Variants in RNF145 observed in about 807,000 individuals in gnomAD.
The protein encoded by RNF145 is ring finger protein 145.
Under a neutral mutation model 57.3 loss-of-function variants are expected in RNF145, and 12 were observed. The ratio of observed to expected loss-of-function variants is 0.21; its 90% CI spans 0.13 to 0.34. The LOEUF is 0.34. RNF145 is among the 10% of genes least tolerant of loss of function. RNF145 has a pLI of 1.00. For missense variants in RNF145, 429 were observed against 799.0 expected (o/e 0.54, Z 5.58); for synonymous variants, 262 against 288.3 (o/e 0.91, Z 0.92).
chr5:159,171,778 T>C (rs1466594594), intron 6 of RNF145, among the ~76,000 whole-genome samples: 1 of 152,070 alleles, frequency 6.6e-6, no homozygotes, highest in Non-Finnish European at 1.5e-5. Context: ...AACATAAACA[T>C]TACCAGGCAC....
intron 5 of RNF145, 129 bp downstream of exon 5, chr5:159,176,503 T>C: frequency 4.9e-6 from 3 of 615,494 alleles, no homozygotes; most frequent in South Asian, 2.2e-5. Flanking sequence ...GGGCTGAAAA[T>C]AGCAGCTGTT....
At position 159,157,635 on chromosome 5, in the gene RNF145, G is replaced by A. The variant is rs1784084329; in HGVS notation, c.*1035C>T. On this transcript the variant is annotated 3_prime_UTR_variant, in exon 11 of 11. Coordinates refer to ENST00000424310, the MANE Select transcript of RNF145 (RefSeq NM_001199383.2). ...CCTCCCCAGTTCTACCTGTAGCCAT[G>A]ATGAATGTAAAAATTTAAATATGAC... 6.6e-6 allele frequency: 1 copy of A among 152,654 alleles called. No homozygotes were observed. The highest frequency in any genetic ancestry group is 1.5e-5 in the Non-Finnish European group (1 of 68,030). The allele number at this position is 152,654 out of a possible 1,614,324, so 9.5% of individuals were successfully genotyped here.
In RNF145 at chr5:159,198,481, T is replaced by C. The variant is rs1193095338; in HGVS notation, c.185-3657A>G. ...GTAGCTTTGGGTATGGAGCTGCCAG[T>C]CAGCCATGAGATACATATTTAAATA... is the stretch of plus-strand genomic sequence containing the variant. On this transcript the variant is annotated intron_variant, in intron 2 of 10. Coordinates refer to ENST00000424310, the MANE Select transcript of RNF145 (RefSeq NM_001199383.2). Among the ~76,000 whole-genome samples the C allele has an allele frequency of 4.6e-5, 7 of 152,250 alleles. No individual in the cohort carries two copies. In the East Asian group the frequency reaches 7.7e-4, roughly 17 times the overall value.
chr5:159,184,781 T>C (rs1176528610), intron 3 of RNF145, among the ~76,000 whole-genome samples: 1 of 152,224 alleles, frequency 6.6e-6, no homozygotes, highest in Non-Finnish European at 1.5e-5. Flanking sequence ...TCCAACCCTA[T>C]ATTTCATTCC....
chr5:159,206,776 A>C (rs1279853993), intron 1 of RNF145, among the ~76,000 whole-genome samples: 1 of 152,198 alleles, frequency 6.6e-6, no homozygotes, highest in African/African-American at 2.4e-5. Context: ...CGAAAGGTTT[A>C]ACACACCCAA....
At chr5:159,164,777 A>G (rs954112019) in intron 8 of RNF145, among the ~76,000 whole-genome samples, 9 of 152,216 alleles carry the variant, frequency 5.9e-5, no homozygotes, top group African/African-American at 2.2e-4. Flanking sequence ...TAGTTCTAAT[A>G]TTCCTTGTTA....
chr5:159,188,097 A>G (rs1434947347), intron 3 of RNF145, among the ~76,000 whole-genome samples: 1 of 152,190 alleles, frequency 6.6e-6, no homozygotes, highest in African/African-American at 2.4e-5. Context: ...ATTTAAGAAC[A>G]CTGGGCCAGG....
At chr5:159,184,731 T>C (rs1383844869) in intron 3 of RNF145, among the ~76,000 whole-genome samples, 1 of 152,346 alleles carries the variant, frequency 6.6e-6, no homozygotes, top group Middle Eastern at 3.4e-3. Context: ...CTATTTCATA[T>C]GGTTATTATA....
chr5:159,161,024 T>A (rs1784199118), intron 10 of RNF145: 1 of 410,124 alleles, frequency 2.4e-6, no homozygotes, highest in African/African-American at 2.1e-5. Context: ...CCTTTATTTA[T>A]GGGTGAGCAA....
Position 159,162,935 on chromosome 5 carries a change from A to G in RNF145, c.1266T>C (p.Leu422=). 1 of 1,602,150 alleles carries G rather than the reference A, an allele frequency of 6.2e-7. No individual in the cohort carries two copies. The highest frequency in any genetic ancestry group is 8.5e-7 in the Non-Finnish European group (1 of 1,176,250). Residue 422 remains leucine (L), a synonymous_variant, in exon 9 of 11, where the codon CTT becomes CTC. Coordinates refer to ENST00000424310, the MANE Select transcript of RNF145 (RefSeq NM_001199383.2). Reference sequence around the variant, plus strand: ...AGTTAATTAATCATAGGCTTACCTGAAGAGAGGTAAGAATGCTGCTGGAAA... The same window carrying G: ...AGTTAATTAATCATAGGCTTACCTGGAGAGAGGTAAGAATGCTGCTGGAAA... The part of the protein sequence containing the change: ...IIISSSILTS[L]QVLGTLFIYV...
chr5:159,197,417 T>C (rs965187228), intron 2 of RNF145, among the ~76,000 whole-genome samples: 4 of 152,170 alleles, frequency 2.6e-5, no homozygotes, highest in Non-Finnish European at 5.9e-5. Flanking sequence ...GTTCTCAAAT[T>C]CTTCAATATC....
intron 1 of RNF145, among the ~76,000 whole-genome samples, chr5:159,206,961 C>CAA (rs34238590): frequency 1.3e-4 from 18 of 140,272 alleles, no homozygotes; most frequent in South Asian, 4.5e-4. Flanking sequence ...AAAAACAAAC[C>CAA]AAAAAAAAAA....
intron 2 of RNF145, among the ~76,000 whole-genome samples, chr5:159,201,185 C>A (rs72813999): frequency 0.12 from 18,361 of 152,158 alleles, 1,450 homozygotes; most frequent in South Asian, 0.2. Context: ...CCCACGTATA[C>A]AGAGGGCCAA....
rs377235311 is a variant in RNF145 at position 159,208,196 on chromosome 5, G to A, written c.-40+1035C>T. On this transcript the variant is annotated intron_variant, in intron 1 of 10. Transcript: ENST00000424310. ...CCCCAACCCAGCTCGCGGCAAGCAG[G>A]CAGCGCAGCAGCAGTAGCAGCAGCA... 3.5e-4 allele frequency: 472 copies of A among 1,336,684 alleles called. 3 individuals carry two copies. The South Asian group carries it at 7.1e-3, about 20-fold the overall frequency. 82.8% of individuals were successfully genotyped at this position (1,336,684 alleles called of 1,614,324 possible).
chr5:159,203,352 A>AT (rs1785738667), intron 2 of RNF145, 82 bp downstream of exon 2: 2 of 967,948 alleles, frequency 2.1e-6, no homozygotes, highest in South Asian at 2.8e-5. Flanking sequence ...AATGAACTTC[A>AT]TTTTACCCAA....
At chr5:159,164,565 A>G (rs60712514) in intron 8 of RNF145, among the ~76,000 whole-genome samples, 10,206 of 152,290 alleles carry the variant, frequency 0.067, 372 homozygotes, top group Middle Eastern at 0.1. Context: ...ATATATACAC[A>G]CAAACATATA....
intron 1 of RNF145, among the ~76,000 whole-genome samples, chr5:159,204,101 A>G (rs1785773187): frequency 6.6e-6 from 1 of 152,256 alleles, no homozygotes; most frequent in South Asian, 2.1e-4. Context: ...CTGCACGTTT[A>G]GTTTGCAGCA....
At chr5:159,208,878 G>C (rs1269232338) in intron 1 of RNF145, among the ~76,000 whole-genome samples, 1 of 150,888 alleles carries the variant, frequency 6.6e-6, no homozygotes. Context: ...GAATGTAAGG[G>C]AGCGCTCCAG....
At chr5:159,165,952 A>C (rs1356294621) in intron 8 of RNF145, among the ~76,000 whole-genome samples, 1 of 152,156 alleles carries the variant, frequency 6.6e-6, no homozygotes, top group Non-Finnish European at 1.5e-5. Flanking sequence ...CTCCTACTGT[A>C]CACATGCAAG....
Sources: allele counts gnomAD v4.1 joint callset (sites outside exome capture counted in the v4.1 genomes callset), GRCh38; gene constraint gnomAD v4.1.1; transcripts MANE v1.5; gene names NCBI Gene and HGNC (gene_info 2026-07-23, HGNC 2026-07-21).